Variants in OR6N1 observed in about 807,000 individuals in gnomAD.
OR6N1 encodes the protein olfactory receptor family 6 subfamily N member 1, also known as olfactory receptor 6N1.
For synonymous variants in OR6N1, 170 were observed against 150.7 expected (o/e 1.13, Z -0.94); for missense variants, 394 against 371.7 (o/e 1.06, Z -0.49).
At chr1:158,791,136 C>T in the OR6N1 span, among the ~76,000 whole-genome samples, 2 of 152,132 alleles carry the variant, frequency 1.3e-5, no homozygotes, top group Admixed American at 6.5e-5. Flanking sequence ...TGTCAAATTA[C>T]TTTTTGGATG....
At chr1:158,813,263 T>G in the OR6N1 span, among the ~76,000 whole-genome samples, 1 of 152,194 alleles carries the variant, frequency 6.6e-6, no homozygotes, top group East Asian at 1.9e-4. Context: ...TTCTAAGAAT[T>G]TATCCTGCAG....
chr1:158,837,112 A>T, the OR6N1 span, among the ~76,000 whole-genome samples: 1 of 151,882 alleles, frequency 6.6e-6, no homozygotes, highest in African/African-American at 2.4e-5. Flanking sequence ...TTGGCATCCT[A>T]ATTTGTGGTA....
At chr1:158,838,081 T>C in the OR6N1 span, among the ~76,000 whole-genome samples, 2 of 151,974 alleles carry the variant, frequency 1.3e-5, no homozygotes, top group African/African-American at 4.8e-5. Flanking sequence ...TTGTTTTGCT[T>C]TCACATTTTA....
At chr1:158,809,608 C>T in the OR6N1 span, among the ~76,000 whole-genome samples, 3 of 152,114 alleles carry the variant, frequency 2.0e-5, no homozygotes, top group Non-Finnish European at 4.4e-5. Flanking sequence ...CAGTGATTTT[C>T]TCCCCTATTC....
chr1:158,777,007 G>T (rs201820210), upstream of OR6N1: 209 of 1,614,026 alleles, frequency 1.3e-4, 1 homozygote, highest in East Asian at 6.7e-5. Flanking sequence ...AAAGAAGAAA[G>T]TGATAAGAAT....
At chr1:158,804,569 T>C in the OR6N1 span, among the ~76,000 whole-genome samples, 1 of 152,232 alleles carries the variant, frequency 6.6e-6, no homozygotes, top group Admixed American at 6.5e-5. Flanking sequence ...GTATCATTGC[T>C]ACTATTTGGA....
the OR6N1 span, among the ~76,000 whole-genome samples, chr1:158,789,229 T>C: frequency 2.0e-5 from 3 of 152,232 alleles, no homozygotes; most frequent in African/African-American, 7.2e-5. Flanking sequence ...TGCCACATTT[T>C]CTTAATCCAC....
the OR6N1 span, chr1:158,809,436 T>C: frequency 1.3e-5 from 2 of 152,226 alleles, no homozygotes; most frequent in Non-Finnish European, 2.9e-5. Context: ...AGACATTATC[T>C]AATCAATGTT....
At chr1:158,784,334 G>T in the OR6N1 span, among the ~76,000 whole-genome samples, 2 of 152,140 alleles carry the variant, frequency 1.3e-5, no homozygotes, top group Admixed American at 1.3e-4. Flanking sequence ...AGAGTGCGAT[G>T]TCTTGATATA....
At chr1:158,777,264 C>T in the OR6N1 span, 2 of 1,613,910 alleles carry the variant, frequency 1.2e-6, no homozygotes, top group African/African-American at 1.3e-5. Flanking sequence ...GACAAATGGC[C>T]AGGTATCTAT....
chr1:158,834,678 A>G, the OR6N1 span, among the ~76,000 whole-genome samples: 1 of 152,132 alleles, frequency 6.6e-6, no homozygotes, highest in East Asian at 1.9e-4. Flanking sequence ...CATCGGTGTC[A>G]TGTCCAAGAA....
the OR6N1 span, among the ~76,000 whole-genome samples, chr1:158,779,050 C>T: frequency 1.2e-4 from 16 of 129,570 alleles, no homozygotes; most frequent in Non-Finnish European, 2.3e-4. Context: ...GATTCAAAAA[C>T]AAACATGATA....
chr1:158,785,142 AACC>A, the OR6N1 span, among the ~76,000 whole-genome samples: 3 of 152,184 alleles, frequency 2.0e-5, no homozygotes, highest in Admixed American at 6.5e-5. Flanking sequence ...AATAGATTTA[AACC>A]ACATTTTCCT....
chr1:158,796,315 A>C, the OR6N1 span: 1 of 152,204 alleles, frequency 6.6e-6, no homozygotes. Context: ...TAAGCTTTCT[A>C]TTCTTTGCTC....
At chr1:158,835,699 T>A in the OR6N1 span, among the ~76,000 whole-genome samples, 1 of 151,908 alleles carries the variant, frequency 6.6e-6, no homozygotes, top group East Asian at 1.9e-4. Context: ...TTTCCTGATG[T>A]TTCAGGAGCA....
At position 158,764,916 on chromosome 1, in the gene OR6N1, G is replaced by A. The variant is rs1657203721; in HGVS notation, c.*828C>T. 1 of 151,848 alleles carries A rather than the reference G, an allele frequency of 6.6e-6. No individual in the cohort carries two copies. Among genetic ancestry groups the A allele is most frequent in the African/African-American group, 2.4e-5 (1 of 41,322 alleles). 9.4% of individuals were successfully genotyped at this position (151,848 alleles called of 1,614,324 possible). A position where few individuals can be genotyped will look rare whatever the true frequency, so the allele number is the denominator to read the frequency against. ...TGACAAACTATACTTTTCAAGTATA[G>A]TATACTTGTATACTATACAAGTATT... On this transcript the variant is annotated 3_prime_UTR_variant, in exon 2 of 2. Transcript: ENST00000641846.
At chr1:158,834,802 T>A in the OR6N1 span, among the ~76,000 whole-genome samples, 7 of 152,324 alleles carry the variant, frequency 4.6e-5, no homozygotes, top group African/African-American at 1.7e-4. Flanking sequence ...ACATTTTGTA[T>A]ATGATGTAGG....
the OR6N1 span, among the ~76,000 whole-genome samples, chr1:158,785,869 C>CT: frequency 6.6e-6 from 1 of 152,102 alleles, no homozygotes; most frequent in Non-Finnish European, 1.5e-5. Flanking sequence ...CAAACTTTTT[C>CT]TTAAAGGGCC....
chr1:158,798,917 C>A, the OR6N1 span, among the ~76,000 whole-genome samples: 1 of 152,144 alleles, frequency 6.6e-6, no homozygotes, highest in Admixed American at 6.6e-5. Context: ...ACAAACCGGG[C>A]AGGCTGGCTC....
Sources: gnomAD v4.1 joint callset for allele counts (sites outside exome capture counted in the v4.1 genomes callset) on GRCh38, gnomAD v4.1.1 for gene constraint, MANE v1.5 for transcripts, NCBI Gene and HGNC (gene_info 2026-07-23, HGNC 2026-07-21) for gene names.